The following AHRR variants were observed in gnomAD, a reference collection of about 807,000 sequenced individuals.
AHRR encodes the protein aryl hydrocarbon receptor repressor, also known as ahR repressor.
A neutral mutation model predicts 44.0 loss-of-function variants in AHRR; 28 were observed. The observed-to-expected ratio is 0.64, with a 90% CI of 0.47 to 0.87. The LOEUF (loss-of-function observed/expected upper bound fraction) is 0.87. Among genes scored for constraint, AHRR ranks in the 40% least tolerant of loss-of-function variants. The pLI is 0.00. For missense variants in AHRR, 990 were observed against 953.9 expected, an observed-to-expected ratio of 1.04 and a Z score of -0.50; for synonymous variants, 434 against 407.0, an observed-to-expected ratio of 1.07 and a Z score of -0.80.
Position 369,533 on chromosome 5 carries a change from C to A in AHRR, c.245-7077C>A, listed in dbSNP as rs1453193374. On this transcript the variant is annotated intron_variant, in intron 3 of 10. Coordinates refer to ENST00000684583, the MANE Select transcript of AHRR (RefSeq NM_001377236.1). Reference sequence around the variant, plus strand: ...AGCTGAGGCCTCCCGCTGCACGAGCCCGGGCTCCCTCTGTGTCACTTGCTT... The same window carrying A: ...AGCTGAGGCCTCCCGCTGCACGAGCACGGGCTCCCTCTGTGTCACTTGCTT... Among the ~76,000 whole-genome samples the A allele has an allele frequency of 2.6e-5, 4 of 152,352 alleles. No individual in the cohort carries two copies. The East Asian group carries it at 5.8e-4, about 22-fold the overall frequency.
At chr5:432,597 G>A (rs781022965) in intron 9 of AHRR, 73 bp downstream of exon 9, 128 of 1,554,358 alleles carry the variant, frequency 8.2e-5, no homozygotes, top group Non-Finnish European at 1.0e-4. Flanking sequence ...GAGCTTCCCC[G>A]CCCAGTGGAG....
intron 4 of AHRR, chr5:403,682 A>AT (rs70955242): frequency 0.099 from 56,472 of 573,252 alleles, 308 homozygotes; most frequent in Middle Eastern, 0.11. Context: ...TTAAAATGGT[A>AT]TTTTTTTTTT....
At chr5:425,916 A>G (rs909457224) in intron 7 of AHRR, among the ~76,000 whole-genome samples, 10 of 152,234 alleles carry the variant, frequency 6.6e-5, no homozygotes, top group African/African-American at 2.4e-4. Context: ...TGAGTGGTGC[A>G]GTCTTGGCAA....
At chr5:409,320 C>T (rs1055208162) in intron 4 of AHRR, among the ~76,000 whole-genome samples, 2 of 152,214 alleles carry the variant, frequency 1.3e-5, no homozygotes, top group African/African-American at 4.8e-5. Context: ...TTTTTGTGAA[C>T]ATACCCATTT....
chr5:328,020 T>C (rs1741773253), intron 1 of AHRR, among the ~76,000 whole-genome samples: 1 of 152,032 alleles, frequency 6.6e-6, no homozygotes, highest in South Asian at 2.1e-4. Flanking sequence ...CACCTATGAG[T>C]GAGAACATGC....
chr5:345,079 T>TGGGGAGTGGG (rs755125228), intron 2 of AHRR, among the ~76,000 whole-genome samples: 1 of 41,760 alleles, frequency 2.4e-5, no homozygotes, highest in Non-Finnish European at 4.7e-5. Flanking sequence ...GATGTGTGTG[T>TGGGGAGTGGG]GTGTGTGTGT....
intron 3 of AHRR, among the ~76,000 whole-genome samples, chr5:364,075 T>G (rs1453262093): frequency 1.3e-5 from 2 of 152,252 alleles, no homozygotes; most frequent in Non-Finnish European, 2.9e-5. Context: ...ATTTTCAATA[T>G]GTAACTGAGG....
At position 353,926 on chromosome 5, in the gene AHRR, T is replaced by A; in HGVS notation, c.244+15T>A. On this transcript the variant is annotated intron_variant, in intron 3 of 10. Coordinates refer to ENST00000684583, the MANE Select transcript of AHRR (RefSeq NM_001377236.1). ...CTTCTTCCAAGGTAGGACTCTCACC[T>A]GCTCCCACCTGTTCACTTGAGTCAG... 6.2e-7 allele frequency: 1 copy of A among 1,604,798 alleles called. No individual in the cohort carries two copies. The highest frequency in any genetic ancestry group is 8.5e-7 in the Non-Finnish European group (1 of 1,174,794).
intron 3 of AHRR, among the ~76,000 whole-genome samples, chr5:373,912 CGG>C (rs1743673428): frequency 2.7e-5 from 4 of 150,736 alleles, no homozygotes; most frequent in African/African-American, 9.7e-5. Context: ...ACGGCGCCGG[CGG>C]CTGCGGGGGA....
At chr5:345,126 ATGTGTGTGTGTG>A (rs146530987) in intron 2 of AHRR, among the ~76,000 whole-genome samples, 1 of 2,648 alleles carries the variant, frequency 3.8e-4, no homozygotes, top group Non-Finnish European at 6.6e-4. Context: ...GTGTGTGGGG[ATGTGTGTGTGTG>A]TGTGTGTGTG....
At chr5:329,504 C>G (rs1018731123) in intron 1 of AHRR, among the ~76,000 whole-genome samples, 1 of 152,168 alleles carries the variant, frequency 6.6e-6, no homozygotes, top group African/African-American at 2.4e-5. Context: ...CCATGCCCAG[C>G]CTGAGATTGT....
chr5:428,287 T>A (rs1243715962), intron 8 of AHRR, among the ~76,000 whole-genome samples: 2 of 152,258 alleles, frequency 1.3e-5, no homozygotes, highest in African/African-American at 4.8e-5. Flanking sequence ...CCTGACCCCG[T>A]GTCCTCAAGA....
intron 3 of AHRR, among the ~76,000 whole-genome samples, chr5:373,283 C>T (rs1282186708): frequency 6.6e-6 from 1 of 152,250 alleles, no homozygotes. Flanking sequence ...TCATCTGACA[C>T]GCAGCCTTCC....
chr5:322,282 C>A (rs1208552307), intron 1 of AHRR, among the ~76,000 whole-genome samples: 1 of 152,172 alleles, frequency 6.6e-6, no homozygotes, highest in Non-Finnish European at 1.5e-5. Context: ...GGCCAGAATT[C>A]CCAGACCGGA....
At position 326,289 on chromosome 5, in the gene AHRR, C is replaced by A. The variant is rs1340409096; in HGVS notation, c.-11+4470C>A. Among the ~76,000 whole-genome samples the A allele has an allele frequency of 6.6e-6, 1 of 152,238 alleles. No individual in the cohort carries two copies. The highest frequency in any genetic ancestry group is 1.5e-5 in the Non-Finnish European group (1 of 68,048). On this transcript the variant is annotated intron_variant, in intron 1 of 10. Coordinates refer to ENST00000684583, the MANE Select transcript of AHRR (RefSeq NM_001377236.1). This position sits in a 1 kb window ranked among gnomAD's most constrained non-coding sequence, Gnocchi z 4.1. The stretch of plus-strand genomic sequence containing the variant: ...GCTCCCAGGTCCTGGCCACCACGAA[C>A]CTTTTTATCTGAGTTTGCCTACTCA...
chr5:378,448 T>G (rs543231715), intron 4 of AHRR, among the ~76,000 whole-genome samples: 1 of 152,332 alleles, frequency 6.6e-6, no homozygotes, highest in Admixed American at 6.5e-5. Context: ...CTCCACACGT[T>G]CAGAGAGGCT....
intron 5 of AHRR, among the ~76,000 whole-genome samples, chr5:421,623 C>G (rs1029389191): frequency 1.3e-5 from 2 of 152,208 alleles, no homozygotes; most frequent in African/African-American, 4.8e-5. Context: ...GCTGGCGCCG[C>G]CCTTTTCACC....
intron 4 of AHRR, among the ~76,000 whole-genome samples, chr5:398,473 C>G (rs1007891806): frequency 6.6e-6 from 1 of 152,238 alleles, no homozygotes; most frequent in African/African-American, 2.4e-5. Flanking sequence ...TCTGTGGTCA[C>G]TGAGCCGGGT....
Position 432,606 on chromosome 5 carries a change from A to G in AHRR, c.970+82A>G. 1.9e-6 allele frequency: 3 copies of G among 1,543,994 alleles called. No individual in the cohort carries two copies. In the South Asian group the frequency reaches 3.4e-5, roughly 17 times the overall value. ...CTTGGAGAGCTTCCCCGCCCAGTGG[A>G]GATGTTGGCGTATTCCATGGAAAAG... On this transcript the variant is annotated intron_variant, in intron 9 of 10. Transcript: ENST00000684583.
Sources: gnomAD v4.1 joint callset for allele counts (sites outside exome capture counted in the v4.1 genomes callset) on GRCh38, gnomAD v4.1.1 for gene constraint, Gnocchi (gnomAD v3.1) non-coding constraint, MANE v1.5 for transcripts, NCBI Gene and HGNC (gene_info 2026-07-23, HGNC 2026-07-21) for gene names.